DIS3: variants seen among roughly 807,000 people sequenced by gnomAD.
DIS3 encodes the protein exosome complex exonuclease RRP44.
In DIS3, 103 loss-of-function variants were observed where a neutral mutation model predicts 113.0. The observed-to-expected ratio is 0.91, with a 90% confidence interval of 0.78 to 1.07. DIS3 has a LOEUF of 1.07. DIS3 is among the 50% of genes least tolerant of loss of function. The pLI is 0.00. For synonymous variants in DIS3, 402 were observed against 394.3 expected (o/e 1.02, Z -0.23); for missense variants, 1,121 against 1,167.1 (o/e 0.96, Z 0.58).
intron 3 of DIS3, 39 bp from the exon 4 acceptor site, chr13:72,777,532 T>G (rs756599288): frequency 6.3e-7 from 1 of 1,575,362 alleles, no homozygotes; most frequent in African/African-American, 1.4e-5. Context: ...ATAAGTGTTT[T>G]TTCCTTAGAT....
intron 15 of DIS3, 126 bp from the exon 16 acceptor site, chr13:72,763,733 A>G (rs1042501348): frequency 4.5e-5 from 40 of 888,696 alleles, no homozygotes; most frequent in Non-Finnish European, 6.3e-5. Flanking sequence ...AAACATTCAT[A>G]TGTGTGTGTA....
intron 20 of DIS3, 112 bp downstream of exon 20, chr13:72,760,417 C>T: frequency 7.4e-7 from 1 of 1,342,510 alleles, no homozygotes; most frequent in Admixed American, 2.2e-5. Flanking sequence ...TTGGTTTCTA[C>T]ACTACTTACA....
intron 2 of DIS3, among the ~76,000 whole-genome samples, 171 bp downstream of exon 2, chr13:72,780,675 A>C (rs2034161238): frequency 6.6e-6 from 1 of 152,100 alleles, no homozygotes; most frequent in Non-Finnish European, 1.5e-5. Flanking sequence ...TGCCTGTGTG[A>C]CCTTAGAGAG....
At chr13:72,779,960 A>C (rs1046347089) in intron 2 of DIS3, among the ~76,000 whole-genome samples, 1 of 152,156 alleles carries the variant, frequency 6.6e-6, no homozygotes, top group African/African-American at 2.4e-5. Flanking sequence ...ATGTAATATA[A>C]CGTAATAGGC....
rs2138144841 is a variant in DIS3 at position 72,759,699 on chromosome 13, TAAC to T, written c.*93_*95del. The T allele has an allele frequency of 1.1e-6, 1 of 915,702 alleles. No individual in the cohort carries two copies. Among genetic ancestry groups the T allele is most frequent in the African/African-American group, 1.7e-5 (1 of 59,686 alleles). 56.7% of individuals were successfully genotyped at this position (915,702 alleles called of 1,614,324 possible). A position where few individuals can be genotyped will look rare whatever the true frequency, so the allele number is the denominator to read the frequency against. On this transcript the variant is annotated 3_prime_UTR_variant, in exon 21 of 21. Coordinates refer to ENST00000377767, the MANE Select transcript of DIS3 (RefSeq NM_014953.5). ...GAAATTATTAAAATGTACTTAAAAG[TAAC>T]AAACTGTATCACACACTTAGGCTTA...
chr13:72,768,819 CTAGTT>C lies in DIS3; in HGVS notation c.1844_1848del (p.Lys615SerfsTer10), dbSNP rs1385210905. 1.2e-6 allele frequency: 2 copies of C among 1,604,392 alleles called. No homozygotes were observed. Among genetic ancestry groups the C allele is most frequent in the Non-Finnish European group, 1.7e-6 (2 of 1,175,174 alleles). ...ATCCTTCTTTTCTTCAGAATTTTGG[CTAGTT>C]TATTCAGTCCACGGAGACTAGTGGT... On this transcript the variant is annotated frameshift_variant, in exon 14 of 21. Transcript: ENST00000377767. LOFTEE classifies it high-confidence loss of function.
rs894487360 is a variant in DIS3, at chr13:72,781,116, T to C, written c.229-113A>G. 1.8e-5 allele frequency: 24 copies of C among 1,351,792 alleles called. No homozygotes were observed. In the East Asian group the frequency reaches 5.7e-4, roughly 32 times the overall value. The allele number at this position is 1,351,792 out of a possible 1,614,324, so 83.7% of individuals were successfully genotyped here. A position where few individuals can be genotyped will look rare whatever the true frequency, so the allele number is the denominator to read the frequency against. ...TACTTTATGTTTTAAAAACACTGAATAAGTTAAGCCAAGAAGCTATTTGGC... is the reference window on the plus strand; with the variant it reads ...TACTTTATGTTTTAAAAACACTGAACAAGTTAAGCCAAGAAGCTATTTGGC... On this transcript the variant is annotated intron_variant, in intron 1 of 20. Coordinates refer to ENST00000377767, the MANE Select transcript of DIS3 (RefSeq NM_014953.5).
intron 2 of DIS3, among the ~76,000 whole-genome samples, chr13:72,780,558 G>A (rs2034153042): frequency 2.6e-5 from 4 of 151,778 alleles, no homozygotes; most frequent in African/African-American, 9.7e-5. Context: ...AGATTCTATG[G>A]TCCAACTCAT....
At position 72,769,722 on chromosome 13, in the gene DIS3, CTTATT is replaced by C. The variant is rs140844055; in HGVS notation, c.1756-815_1756-811del. Among the ~76,000 whole-genome samples, 781 of 152,232 alleles carry C rather than the reference CTTATT, an allele frequency of 5.1e-3. 8 individuals are homozygous for C. The highest frequency in any genetic ancestry group is 0.017 in the African/African-American group (705 of 41,560). On this transcript the variant is annotated intron_variant, in intron 13 of 20. Transcript: ENST00000377767. ...AAGTCTTAAAGAATTAAAAGTCATT[CTTATT>C]TTAAAGTACAAACTGTGATGGCTTA...
In DIS3 at chr13:72,781,840, C is replaced by T. The variant is rs990589297; in HGVS notation, c.-8G>A. On this transcript the variant is annotated 5_prime_UTR_variant, in exon 1 of 21. Transcript: ENST00000377767. ...CGTCTTGGACTTGAGCATCTTGCCT[C>T]GCCGCGCAGAATCCTAACCCCAGCA... is the stretch of plus-strand genomic sequence containing the variant. 3 of 1,569,934 alleles carry T rather than the reference C, an allele frequency of 1.9e-6. No individual in the cohort carries two copies. The highest frequency in any genetic ancestry group is 1.2e-5 in the South Asian group (1 of 86,404).
chr13:72,755,052 A>G lies in DIS3; in HGVS notation c.*4743T>C, dbSNP rs570947721. 2.4e-4 allele frequency: 228 copies of G among 938,422 alleles called. 1 individual carries two copies. Among genetic ancestry groups the G allele is most frequent in the Middle Eastern group, 2.3e-3 (11 of 4,702 alleles). 58.1% of individuals were successfully genotyped at this position (938,422 alleles called of 1,614,324 possible). On this transcript the variant is annotated 3_prime_UTR_variant, in exon 21 of 21. Transcript: ENST00000377767. ...TTTACTGTCCCTTCAGAGTTCAGCT[A>G]AAGAAACGTGCTTTTAGGTTTTAAA...
At position 72,781,621 on chromosome 13, in the gene DIS3, T is replaced by G; in HGVS notation, c.212A>C (p.Asn71Thr). Residue 71 changes from asparagine to threonine, a missense_variant, in exon 1 of 21, where the codon AAT becomes ACT. This residue lies in a region of DIS3 where 254 missense variants were observed against 232.2 expected (regional missense o/e 1.09). Coordinates refer to ENST00000377767, the MANE Select transcript of DIS3 (RefSeq NM_014953.5). ...CCCACGCACCTGGTGCAGTAACACA[T>G]TAGTGTCGGGCAGCAAGTAGTGCGG... ...PQPHYLLPDT[N>T]VLLHQIDVLE... 1 of 1,534,624 alleles carries G rather than the reference T, an allele frequency of 6.5e-7. No homozygotes were observed. The highest frequency in any genetic ancestry group is 1.2e-5 in the South Asian group (1 of 82,474).
rs1294933174 is a variant in DIS3 at position 72,762,744 on chromosome 13, T to C, written c.2128-607A>G. ...GGGCTGAAAAAATGTGCCCTTTCTATAGTTTCCTCTTTTCCATGTATGCAA... is the reference window on the plus strand; with the variant it reads ...GGGCTGAAAAAATGTGCCCTTTCTACAGTTTCCTCTTTTCCATGTATGCAA... On this transcript the variant is annotated intron_variant, in intron 16 of 20. Transcript: ENST00000377767. Among the ~76,000 whole-genome samples the C allele has an allele frequency of 2.6e-5, 4 of 152,142 alleles. No individual in the cohort carries two copies. The East Asian group carries it at 5.8e-4, about 22-fold the overall frequency.
chr13:72,768,708 A>C, intron 14 of DIS3, 77 bp downstream of exon 14: 5 of 1,150,470 alleles, frequency 4.3e-6, no homozygotes, highest in Non-Finnish European at 6.1e-6. Context: ...ACCCTTTTAA[A>C]TAATTCATCA....
intron 16 of DIS3, among the ~76,000 whole-genome samples, chr13:72,762,453 A>T (rs1449065387): frequency 6.6e-6 from 1 of 152,218 alleles, no homozygotes; most frequent in African/African-American, 2.4e-5. Context: ...TAAGGCTTGG[A>T]GCAGAGGAGT....
At chr13:72,763,796 A>T (rs553244592) in intron 15 of DIS3, among the ~76,000 whole-genome samples, 189 bp from the exon 16 acceptor site, 1 of 152,272 alleles carries the variant, frequency 6.6e-6, no homozygotes, top group South Asian at 2.1e-4. Flanking sequence ...TACTCCGCTA[A>T]CAATCTCTTA....
Position 72,773,772 on chromosome 13 carries a change from C to T in DIS3, c.1151G>A (p.Arg384His), listed in dbSNP as rs375756603. 10 of 1,613,730 alleles carry T rather than the reference C, an allele frequency of 6.2e-6. No individual in the cohort carries two copies. Among genetic ancestry groups the T allele is most frequent in the Middle Eastern group, 1.6e-4 (1 of 6,082 alleles). ...TPADKRIPRIRIETRQASTLE... is the reference protein window; with the variant it reads ...TPADKRIPRIHIETRQASTLE... ...TGTGGAAGCCTGTCTGGTTTCTATGCGAATTCGAGGGATTCTCTTATCAGC... is the reference window on the plus strand; with the variant it reads ...TGTGGAAGCCTGTCTGGTTTCTATGTGAATTCGAGGGATTCTCTTATCAGC... Residue 384 changes from arginine to histidine, a missense_variant, in exon 8 of 21, where the codon CGC becomes CAC. This residue lies in a region of DIS3 where 861 missense variants were observed against 915.5 expected (regional missense o/e 0.94). Transcript: ENST00000377767.
chr13:72,781,182 A>G, intron 1 of DIS3, 179 bp from the exon 2 acceptor site: 1 of 1,436,644 alleles, frequency 7.0e-7, no homozygotes, highest in East Asian at 2.5e-5. Context: ...CTTCAGATCT[A>G]TTAAAAAAAG....
In DIS3 at chr13:72,774,011, C is replaced by G. The variant is rs767216602; in HGVS notation, c.1036G>C (p.Val346Leu). The change falls in exon 7 of 21, where the codon GTA becomes CTA. Residue 346 changes from valine (V) to leucine (L), a missense_variant. Physicochemically the swap from Val to Leu is conservative, Grantham distance 32. Transcript: ENST00000377767. ...CTCCAATTCCTTTTTATTATTCCTA[C>G]AACTCTACCTGTAGGCTTCAACATT... ...EKMLKPTGRV[V>L]GIIKRNWRPY... 3.0e-5 allele frequency: 49 copies of G among 1,611,862 alleles called. No individual in the cohort carries two copies. Among genetic ancestry groups the G allele is most frequent in the Non-Finnish European group, 4.0e-5 (47 of 1,179,538 alleles).
Sources: allele counts gnomAD v4.1 joint callset (sites outside exome capture counted in the v4.1 genomes callset), GRCh38; gene constraint gnomAD v4.1.1; regional missense constraint gnomAD v4.1.1; transcripts MANE v1.5; gene names NCBI Gene and HGNC (gene_info 2026-07-23, HGNC 2026-07-21).